The following RCL1 variants were observed in gnomAD, a reference collection of about 807,000 sequenced individuals.
RCL1 encodes RNA terminal phosphate cyclase like 1.
In RCL1, 24 loss-of-function variants were observed where a neutral mutation model predicts 42.4. The observed-to-expected ratio is 0.57, with a 90% CI of 0.41 to 0.80. RCL1 has a LOEUF of 0.80. Among genes scored for constraint, RCL1 ranks in the 30% least tolerant of loss-of-function variants. RCL1 has a pLI of 0.00. For synonymous variants in RCL1, 228 were observed against 177.3 expected (o/e 1.29, Z -2.27); for missense variants, 578 against 467.9 (o/e 1.24, Z -2.17).
intron 3 of RCL1, among the ~76,000 whole-genome samples, chr9:4,829,745 A>G (rs935418253): frequency 2.6e-5 from 4 of 152,190 alleles, no homozygotes; most frequent in Admixed American, 2.6e-4. Context: ...GTGTGTATGC[A>G]TCTGAATTGG....
intron 3 of RCL1, among the ~76,000 whole-genome samples, chr9:4,831,168 A>G (rs1171418695): frequency 6.6e-6 from 1 of 152,166 alleles, no homozygotes; most frequent in Non-Finnish European, 1.5e-5. Context: ...CCTGTCTTCC[A>G]TGTCATATGG....
intron 1 of RCL1, among the ~76,000 whole-genome samples, chr9:4,803,230 G>C (rs1843036232): frequency 6.6e-6 from 1 of 152,116 alleles, no homozygotes; most frequent in African/African-American, 2.4e-5. Context: ...GATTTTCCTT[G>C]TCAAAGTATG....
intron 1 of RCL1, among the ~76,000 whole-genome samples, chr9:4,823,281 ATTTTTT>A (rs3038449): frequency 1.5e-5 from 2 of 134,788 alleles, no homozygotes; most frequent in African/African-American, 2.8e-5. Context: ...TGGTGGAGCT[ATTTTTT>A]TTTTTTTTTT....
In RCL1 at chr9:4,841,504, C is replaced by A. The variant is rs967101773; in HGVS notation, c.710+147C>A. On this transcript the variant is annotated intron_variant, in intron 6 of 8. Transcript: ENST00000381750. ...TCTTTCTGCCTTATTGCCGTTGTCA[C>A]CAACAGGCATTTCTTGAGTGCCTGT... 4.4e-6 allele frequency: 3 copies of A among 676,146 alleles called. No individual in the cohort carries two copies. In the East Asian group the frequency reaches 7.9e-5, roughly 18 times the overall value. The allele number at this position is 676,146 out of a possible 1,614,324, so 41.9% of individuals were successfully genotyped here.
intron 8 of RCL1, among the ~76,000 whole-genome samples, chr9:4,852,545 G>A: frequency 6.6e-6 from 1 of 152,176 alleles, no homozygotes; most frequent in East Asian, 1.9e-4. Context: ...CGCGCTACCA[G>A]GAGACCGTGG....
chr9:4,847,232 A>G (rs1239814921), intron 7 of RCL1, among the ~76,000 whole-genome samples: 2 of 151,918 alleles, frequency 1.3e-5, no homozygotes, highest in African/African-American at 2.4e-5. Flanking sequence ...GCCTGGACCA[A>G]ATTTCTTTCG....
chr9:4,796,699 C>G (rs1471377648), intron 1 of RCL1, among the ~76,000 whole-genome samples: 1 of 152,158 alleles, frequency 6.6e-6, no homozygotes, highest in Non-Finnish European at 1.5e-5. Flanking sequence ...CATGCCCAGC[C>G]TGATTTCATT....
chr9:4,803,642 A>AAGTTGAC (rs1843043328), intron 1 of RCL1: 1 of 152,060 alleles, frequency 6.6e-6, no homozygotes, highest in Non-Finnish European at 1.5e-5. Context: ...ATTCACTCAC[A>AAGTTGAC]AGTTGACTGA....
chr9:4,825,224 G>C (rs931063845), intron 2 of RCL1, among the ~76,000 whole-genome samples: 2 of 152,118 alleles, frequency 1.3e-5, no homozygotes, highest in African/African-American at 2.4e-5. Context: ...TGTAGATTGA[G>C]GAGTAAGACA....
At chr9:4,832,921 T>C (rs991944514) in intron 3 of RCL1, among the ~76,000 whole-genome samples, 1 of 150,174 alleles carries the variant, frequency 6.7e-6, no homozygotes, top group Non-Finnish European at 1.5e-5. Flanking sequence ...TTAAGGTAGG[T>C]GTTGGTCTCC....
intron 1 of RCL1, among the ~76,000 whole-genome samples, chr9:4,816,429 A>G (rs1490915741): frequency 6.6e-6 from 1 of 152,194 alleles, no homozygotes; most frequent in East Asian, 1.9e-4. Flanking sequence ...TCTGTGTTAC[A>G]TTTAGCAAAC....
chr9:4,841,503 A>G (rs12349418), intron 6 of RCL1, 146 bp downstream of exon 6: 1 of 676,724 alleles, frequency 1.5e-6, no homozygotes, highest in Non-Finnish European at 2.5e-6. Flanking sequence ...TGCCGTTGTC[A>G]CCAACAGGCA....
intron 2 of RCL1, among the ~76,000 whole-genome samples, chr9:4,825,955 T>A (rs1262289657): frequency 6.7e-6 from 1 of 149,464 alleles, no homozygotes; most frequent in East Asian, 2.0e-4. Flanking sequence ...ATTAGCTGAG[T>A]GTGGTAGCAT....
intron 3 of RCL1, among the ~76,000 whole-genome samples, chr9:4,831,432 T>C (rs924952808): frequency 1.3e-5 from 2 of 151,782 alleles, no homozygotes; most frequent in Admixed American, 1.3e-4. Flanking sequence ...TGTATTCTTC[T>C]TTATCTGGCA....
chr9:4,794,045 A>G (rs549758379), intron 1 of RCL1, among the ~76,000 whole-genome samples: 2 of 152,350 alleles, frequency 1.3e-5, no homozygotes, highest in African/African-American at 4.8e-5. Context: ...AGATACATGC[A>G]TTTAAAAGCT....
intron 8 of RCL1, among the ~76,000 whole-genome samples, chr9:4,859,667 C>T (rs1429093379): frequency 6.6e-6 from 1 of 152,132 alleles, no homozygotes; most frequent in African/African-American, 2.4e-5. Context: ...GTATAGGCCA[C>T]TCAAAAATCA....
intron 4 of RCL1, 23 bp from the exon 5 acceptor site, chr9:4,834,118 C>T: frequency 6.2e-7 from 1 of 1,608,212 alleles, no homozygotes; most frequent in Non-Finnish European, 8.5e-7. Flanking sequence ...ATCCTCGCCT[C>T]ATCTTTCTCA....
intron 1 of RCL1, among the ~76,000 whole-genome samples, chr9:4,816,682 A>C (rs1403204001): frequency 6.6e-6 from 1 of 152,084 alleles, no homozygotes; most frequent in African/African-American, 2.4e-5. Flanking sequence ...ACTTTCTGAG[A>C]TGTTATTTAA....
chr9:4,815,595 G>A (rs373425720), intron 1 of RCL1, among the ~76,000 whole-genome samples: 4 of 152,164 alleles, frequency 2.6e-5, no homozygotes, highest in African/African-American at 7.2e-5. Context: ...CTTAAAGCTC[G>A]GCTTGAGGAT....
Sources: gnomAD v4.1 joint callset for allele counts (sites outside exome capture counted in the v4.1 genomes callset) on GRCh38, gnomAD v4.1.1 for gene constraint, MANE v1.5 for transcripts, NCBI Gene and HGNC (gene_info 2026-07-23, HGNC 2026-07-21) for gene names.